The following LRBA variants were observed in gnomAD, a reference collection of about 807,000 sequenced individuals.
The protein encoded by LRBA is lipopolysaccharide-responsive and beige-like anchor protein.
A neutral mutation model predicts 330.0 loss-of-function variants in LRBA; 176 were observed. The ratio of observed to expected loss-of-function variants is 0.53; its 90% confidence interval spans 0.47 to 0.60. LRBA has a LOEUF of 0.60. LRBA is among the 20% of genes least tolerant of loss of function. The pLI is 0.00. For missense variants in LRBA, 3,259 were observed against 3,444.8 expected (o/e 0.95, Z 1.35); for synonymous variants, 1,230 against 1,193.0 (o/e 1.03, Z -0.64).
intron 46 of LRBA, among the ~76,000 whole-genome samples, chr4:150,416,129 A>G (rs1460531197): frequency 6.6e-6 from 1 of 152,240 alleles, no homozygotes; most frequent in East Asian, 1.9e-4. Context: ...TAGAAGATCA[A>G]AATTTAAAAT....
intron 2 of LRBA, among the ~76,000 whole-genome samples, chr4:151,007,846 G>T (rs1744288244): frequency 1.1e-5 from 1 of 95,060 alleles, no homozygotes; most frequent in Non-Finnish European, 2.0e-5. Context: ...CACAGAGCAA[G>T]ACTCCATCTC....
At chr4:150,398,341 G>A (rs1745025022) in intron 47 of LRBA, among the ~76,000 whole-genome samples, 1 of 152,124 alleles carries the variant, frequency 6.6e-6, no homozygotes, top group Admixed American at 6.6e-5. Flanking sequence ...AATTGACAGA[G>A]GTAGATTTCA....
intron 28 of LRBA, among the ~76,000 whole-genome samples, chr4:150,837,219 G>A (rs893605385): frequency 6.6e-6 from 1 of 152,152 alleles, no homozygotes; most frequent in Non-Finnish European, 1.5e-5. Flanking sequence ...TTCCAACTAT[G>A]TGGTCAATTT....
chr4:150,672,194 G>A (rs536117908), intron 37 of LRBA, among the ~76,000 whole-genome samples: 5 of 152,158 alleles, frequency 3.3e-5, no homozygotes, highest in Admixed American at 2.0e-4. Context: ...CCATTTTCCA[G>A]ACCAATTAAA....
At chr4:150,642,268 A>G (rs796554463) in intron 37 of LRBA, among the ~76,000 whole-genome samples, 2 of 152,068 alleles carry the variant, frequency 1.3e-5, no homozygotes, top group African/African-American at 2.4e-5. Flanking sequence ...ATTTCTACAT[A>G]GTATTTTCTT....
Position 150,993,889 on chromosome 4 carries a change from C to CA in LRBA, c.216+20537dup, listed in dbSNP as rs529739674. Among the ~76,000 whole-genome samples, 10 of 151,688 alleles carry CA rather than the reference C, an allele frequency of 6.6e-5. No homozygotes were observed. In the East Asian group the frequency reaches 1.9e-3, roughly 30 times the overall value. ...GTGGGGACACAGAGCAAAACCATAT[C>CA]ACCCATCCCTACTAAAAATACAAAA... On this transcript the variant is annotated intron_variant, in intron 2 of 56. Transcript: ENST00000651943.
At chr4:150,995,928 A>G (rs2149637737) in intron 2 of LRBA, among the ~76,000 whole-genome samples, 1 of 152,288 alleles carries the variant, frequency 6.6e-6, no homozygotes. Context: ...GAAATAAGAA[A>G]ATATTCCTTT....
intron 36 of LRBA, among the ~76,000 whole-genome samples, chr4:150,685,241 C>A (rs1783432585): frequency 6.7e-6 from 1 of 150,304 alleles, no homozygotes; most frequent in Non-Finnish European, 1.5e-5. Context: ...CCCTATGAGA[C>A]TTTTTAAAGA....
chr4:150,687,069 T>G (rs184806335), intron 36 of LRBA, among the ~76,000 whole-genome samples: 80 of 152,198 alleles, frequency 5.3e-4, no homozygotes, highest in Middle Eastern at 3.4e-3. Flanking sequence ...TCTGTCTCTT[T>G]GTGGAACCTT....
intron 37 of LRBA, among the ~76,000 whole-genome samples, chr4:150,664,771 C>G (rs558406734): frequency 6.6e-6 from 1 of 152,178 alleles, no homozygotes; most frequent in African/African-American, 2.4e-5. Context: ...GCCAAACTTA[C>G]CTCATGAGAT....
At chr4:150,443,879 T>TACA (rs1752226358) in intron 44 of LRBA, among the ~76,000 whole-genome samples, 1 of 83,044 alleles carries the variant, frequency 1.2e-5, no homozygotes, top group Non-Finnish European at 2.3e-5. Context: ...TATATTTTTT[T>TACA]TTTTTTTTTT....
At chr4:150,960,758 A>G (rs1738053468) in intron 2 of LRBA, among the ~76,000 whole-genome samples, 1 of 149,352 alleles carries the variant, frequency 6.7e-6, no homozygotes, top group Non-Finnish European at 1.5e-5. Flanking sequence ...GTTTTACAAT[A>G]AAAATTTTTA....
chr4:150,801,946 G>C (rs1741670387), intron 33 of LRBA, among the ~76,000 whole-genome samples: 1 of 151,604 alleles, frequency 6.6e-6, no homozygotes, highest in South Asian at 2.1e-4. Context: ...CAAGGCGGGT[G>C]GATCACTTGA....
chr4:150,476,465 G>A (rs143534399), intron 42 of LRBA, among the ~76,000 whole-genome samples: 1 of 152,134 alleles, frequency 6.6e-6, no homozygotes, highest in East Asian at 1.9e-4. Context: ...GGTTCTGGGA[G>A]GTATACAGAG....
At chr4:150,529,397 A>C (rs1318958985) in intron 40 of LRBA, among the ~76,000 whole-genome samples, 1 of 152,148 alleles carries the variant, frequency 6.6e-6, no homozygotes, top group Non-Finnish European at 1.5e-5. Flanking sequence ...GTTCCCATGT[A>C]AAACAAACAA....
chr4:150,912,632 T>C (rs1195076089), intron 9 of LRBA, among the ~76,000 whole-genome samples: 2 of 152,186 alleles, frequency 1.3e-5, no homozygotes, highest in East Asian at 1.9e-4. Flanking sequence ...CCGTGGTCCA[T>C]GGAAAAACTG....
At chr4:150,650,818 C>A (rs1779637139) in intron 37 of LRBA, among the ~76,000 whole-genome samples, 1 of 151,872 alleles carries the variant, frequency 6.6e-6, no homozygotes, top group Admixed American at 6.6e-5. Flanking sequence ...CTTCTATTTA[C>A]AATAAATAAA....
intron 37 of LRBA, among the ~76,000 whole-genome samples, chr4:150,621,846 G>A (rs1180088567): frequency 2.0e-5 from 3 of 152,100 alleles, no homozygotes; most frequent in Non-Finnish European, 4.4e-5. Context: ...GCAGTTGTGC[G>A]ATGTCTTAGC....
intron 42 of LRBA, among the ~76,000 whole-genome samples, chr4:150,481,959 A>G (rs1011000000): frequency 2.6e-5 from 4 of 152,140 alleles, no homozygotes; most frequent in African/African-American, 9.7e-5. Flanking sequence ...TGGAATTAGT[A>G]TGATATACAT....
Sources: allele counts gnomAD v4.1 joint callset (sites outside exome capture counted in the v4.1 genomes callset), GRCh38; gene constraint gnomAD v4.1.1; transcripts MANE v1.5; gene names NCBI Gene and HGNC (gene_info 2026-07-23, HGNC 2026-07-21).